SCG3: variants seen among roughly 807,000 people sequenced by gnomAD.
SCG3 encodes the protein secretogranin III, also known as secretogranin-3.
A neutral mutation model predicts 56.2 loss-of-function variants in SCG3; 38 were observed. The ratio of observed to expected loss-of-function variants is 0.68; its 90% CI spans 0.52 to 0.89. The LOEUF (loss-of-function observed/expected upper bound fraction) is 0.89. Among genes scored for constraint, SCG3 ranks in the 40% least tolerant of loss-of-function variants. The pLI, the probability that SCG3 is intolerant of heterozygous loss-of-function variation, is 0.00. For missense variants in SCG3, 524 were observed against 540.7 expected, an observed-to-expected ratio of 0.97 and a Z score of 0.31; for synonymous variants, 176 against 184.2, an observed-to-expected ratio of 0.96 and a Z score of 0.36.
chr15:51,692,165 A>G lies in SCG3; in HGVS notation c.697A>G (p.Met233Val), dbSNP rs35664837. 0.011 allele frequency: 17,567 copies of G among 1,607,292 alleles called. 1,533 individuals carry two copies. In the African/African-American group the frequency reaches 0.2, roughly 18 times the overall value. ...TGATTTTTCCCCACTGGAGACTCCA[A>G]TGGCAGCAATTCAAGATGGTCTTGC... Reference protein sequence around the residue: ...AGKIPEKVTPMAAIQDGLAKG... With the variant: ...AGKIPEKVTPVAAIQDGLAKG... The change falls in exon 7 of 12, where the codon ATG (methionine) becomes GTG (valine). Residue 233 changes from methionine (M) to valine (V), a missense_variant. Coordinates refer to ENST00000220478, the MANE Select transcript of SCG3 (RefSeq NM_013243.4).
chr15:51,713,488 A>C, intron 11 of SCG3, 75 bp downstream of exon 11: 1 of 1,004,894 alleles, frequency 1.0e-6, no homozygotes, highest in Non-Finnish European at 1.5e-6. Context: ...AAATTCCCAC[A>C]GTCAAATTGA....
chr15:51,708,337 G>A (rs1162793767), intron 10 of SCG3: 1 of 152,246 alleles, frequency 6.6e-6, no homozygotes, highest in Non-Finnish European at 1.5e-5. Context: ...AGCACCTGAT[G>A]TGATTCCCAT....
At chr15:51,712,742 G>T (rs1431718010) in intron 10 of SCG3, among the ~76,000 whole-genome samples, 5 of 152,108 alleles carry the variant, frequency 3.3e-5, no homozygotes, top group Non-Finnish European at 1.5e-5. Context: ...TTACATCCTG[G>T]GGAGTTTTAT....
intron 4 of SCG3, 109 bp downstream of exon 4, chr15:51,683,543 G>T (rs78597145): frequency 1.5e-6 from 1 of 670,792 alleles, no homozygotes; most frequent in Non-Finnish European, 2.4e-6. Context: ...TCCTTTATTA[G>T]TCAAGTCCAA....
At chr15:51,704,273 AT>A (rs1567220913) in intron 10 of SCG3, among the ~76,000 whole-genome samples, 174 of 133,822 alleles carry the variant, frequency 1.3e-3, no homozygotes, top group African/African-American at 5.0e-3. Flanking sequence ...ATATATATAT[AT>A]ATATAAAATA....
intron 9 of SCG3, 128 bp from the exon 10 acceptor site, chr15:51,700,979 G>C: frequency 8.4e-7 from 1 of 1,192,974 alleles, no homozygotes; most frequent in Non-Finnish European, 1.2e-6. Context: ...TAAGCACTAA[G>C]ATCCCTTTCA....
chr15:51,699,802 C>T lies in SCG3; in HGVS notation c.1069+400C>T, dbSNP rs536430864. On this transcript the variant is annotated intron_variant, in intron 9 of 11. Coordinates refer to ENST00000220478, the MANE Select transcript of SCG3 (RefSeq NM_013243.4). The stretch of plus-strand genomic sequence containing the variant: ...TCCCCACTGCCCGCCTCCCGCTCTC[C>T]CCTCCCAGGTTTTCTCTCTCCCCTG... Among the ~76,000 whole-genome samples the T allele has an allele frequency of 1.4e-4, 21 of 152,172 alleles. No homozygotes were observed. The East Asian group carries it at 3.9e-3, about 28-fold the overall frequency.
intron 10 of SCG3, among the ~76,000 whole-genome samples, chr15:51,705,973 C>G (rs2055372284): frequency 6.6e-6 from 1 of 152,170 alleles, no homozygotes; most frequent in African/African-American, 2.4e-5. Context: ...ACAACTGACT[C>G]TAAAACAGTT....
intron 8 of SCG3, among the ~76,000 whole-genome samples, chr15:51,698,796 G>C (rs948467537): frequency 4.7e-5 from 7 of 149,458 alleles, no homozygotes; most frequent in Non-Finnish European, 1.5e-5. Flanking sequence ...CCAGTGGAAA[G>C]AGAGCCTCTT....
chr15:51,681,980 C>A (rs12442403), intron 1 of SCG3, 143 bp downstream of exon 1: 4 of 626,390 alleles, frequency 6.4e-6, no homozygotes, highest in South Asian at 4.1e-5. Flanking sequence ...GAAATCAGTT[C>A]GAATTTAGAG....
At position 51,716,006 on chromosome 15, in the gene SCG3, C is replaced by T. The variant is rs561544002; in HGVS notation, c.1288+2593C>T. On this transcript the variant is annotated intron_variant, in intron 11 of 11. Transcript: ENST00000220478. ...CCAAGTAGTTGGGACTACAGGCACC[C>T]GCCACCATGCCTGGCTAATTTTTCT... is the stretch of plus-strand genomic sequence containing the variant. Among the ~76,000 whole-genome samples the T allele has an allele frequency of 8.5e-5, 13 of 152,160 alleles. No homozygotes were observed. In the South Asian group the frequency reaches 1.9e-3, roughly 22 times the overall value.
chr15:51,687,569 T>C (rs1845906329), intron 4 of SCG3, among the ~76,000 whole-genome samples: 1 of 152,240 alleles, frequency 6.6e-6, no homozygotes, highest in Admixed American at 6.5e-5. Flanking sequence ...AAGATTTACA[T>C]ATTGCTTTGT....
chr15:51,687,458 C>T (rs1456295), intron 4 of SCG3, among the ~76,000 whole-genome samples: 120,126 of 152,232 alleles, frequency 0.79, 47,615 homozygotes, highest in East Asian at 0.92. Context: ...TCATTGCCAC[C>T]AGCCCTTTCC....
intron 2 of SCG3, 38 bp from the exon 3 acceptor site, chr15:51,683,041 T>A (rs1246344985): frequency 6.4e-7 from 1 of 1,566,428 alleles, no homozygotes; most frequent in African/African-American, 1.4e-5. Context: ...AGTGGAGCAA[T>A]GATTTTAAAC....
chr15:51,692,361 T>C (rs576397353), intron 7 of SCG3, 25 bp downstream of exon 7: 41 of 1,595,848 alleles, frequency 2.6e-5, no homozygotes, highest in Middle Eastern at 3.3e-4. Context: ...GTTGTGATTA[T>C]GTGGAACAGA....
rs566489822 is a variant in SCG3, at chr15:51,704,943, A to G, written c.1207+3699A>G. ...GCTGCACCATTTTAAATTTCTACCA[A>G]TCGTGTGCAAGAGTTCCAGTTTCTC... On this transcript the variant is annotated intron_variant, in intron 10 of 11. Transcript: ENST00000220478. Among the ~76,000 whole-genome samples, 5 of 151,462 alleles carry G rather than the reference A, an allele frequency of 3.3e-5. No homozygotes were observed. The East Asian group carries it at 9.7e-4, about 29-fold the overall frequency.
chr15:51,718,352 G>C (rs1395465206), intron 11 of SCG3, among the ~76,000 whole-genome samples: 1 of 152,162 alleles, frequency 6.6e-6, no homozygotes, highest in African/African-American at 2.4e-5. Context: ...CTAACAGGGA[G>C]CAGATGTCCT....
intron 7 of SCG3, among the ~76,000 whole-genome samples, chr15:51,694,980 G>A (rs1400117585): frequency 3.3e-5 from 5 of 151,228 alleles, no homozygotes; most frequent in Middle Eastern, 3.4e-3. Flanking sequence ...GCAGTAAGCC[G>A]AGATGGTGCC....
intron 7 of SCG3, chr15:51,693,250 A>G (rs181033234): frequency 3.9e-5 from 6 of 152,148 alleles, no homozygotes; most frequent in Admixed American, 1.3e-4. Context: ...AAAAGGCTCT[A>G]CTCACTTTCC....
Sources: gnomAD v4.1 joint callset for allele counts (sites outside exome capture counted in the v4.1 genomes callset) on GRCh38, gnomAD v4.1.1 for gene constraint, MANE v1.5 for transcripts, NCBI Gene and HGNC (gene_info 2026-07-23, HGNC 2026-07-21) for gene names.